ADAMTSL2: variants seen among roughly 807,000 people sequenced by gnomAD.
ADAMTSL2 encodes ADAMTS like 2.
Under a neutral mutation model 117.0 loss-of-function variants are expected in ADAMTSL2, and 55 were observed. The ratio of observed to expected loss-of-function variants is 0.47; its 90% CI spans 0.38 to 0.59. ADAMTSL2 has a LOEUF of 0.59. Ranked by LOEUF, ADAMTSL2 falls within the 20% of genes least tolerant of loss-of-function variation. The pLI is 0.00. For synonymous variants in ADAMTSL2, 572 were observed against 566.4 expected (o/e 1.01, Z -0.14); for missense variants, 1,182 against 1,354.5 (o/e 0.87, Z 2.00).
Position 133,534,759 on chromosome 9 carries a change from G to T in ADAMTSL2, c.-309G>T. ...CTCTTGGATGCTCTTTGAAGTGGGA[G>T]AGGGAGGCGGCGCGGGGGAGGAGGG... On this transcript the variant is annotated 5_prime_UTR_variant, in exon 1 of 19. An upstream open reading frame in the 5' UTR gains an earlier in-frame stop. Transcript: ENST00000651351. 1 of 1,459,130 alleles carries T rather than the reference G, an allele frequency of 6.9e-7. No homozygotes were observed. Among genetic ancestry groups the T allele is most frequent in the South Asian group, 1.4e-5 (1 of 72,806 alleles). 90.4% of individuals were successfully genotyped at this position (1,459,130 alleles called of 1,614,324 possible).
At chr9:133,537,935 G>A (rs1216831085) in intron 3 of ADAMTSL2, among the ~76,000 whole-genome samples, 1 of 152,222 alleles carries the variant, frequency 6.6e-6, no homozygotes, top group Non-Finnish European at 1.5e-5. Context: ...AGATGGACCT[G>A]GCTCCTATCT....
chr9:133,572,978 C>T (rs1330701532), intron 17 of ADAMTSL2, among the ~76,000 whole-genome samples: 1 of 152,242 alleles, frequency 6.6e-6, no homozygotes, highest in Non-Finnish European at 1.5e-5. Context: ...GCCAAGCCAG[C>T]CTCTCCTCGC....
intron 11 of ADAMTSL2, among the ~76,000 whole-genome samples, chr9:133,556,872 C>T (rs367568041): frequency 1.3e-5 from 2 of 152,194 alleles, no homozygotes; most frequent in African/African-American, 4.8e-5. Context: ...GCCCCGCCTG[C>T]CCCCAGATAG....
intron 13 of ADAMTSL2, 33 bp from the exon 14 acceptor site, chr9:133,568,240 G>A: frequency 6.5e-7 from 1 of 1,543,996 alleles, no homozygotes; most frequent in Non-Finnish European, 8.7e-7. Context: ...TGCCATGGGG[G>A]GGATCATTGA....
Position 133,540,987 on chromosome 9 carries a change from G to C in ADAMTSL2, c.668G>C (p.Gly223Ala), listed in dbSNP as rs1830209343. 6.2e-7 allele frequency: 1 copy of C among 1,613,264 alleles called. No homozygotes were observed. Among genetic ancestry groups the C allele is most frequent in the South Asian group, 1.1e-5 (1 of 91,078 alleles). Residue 223 changes from glycine to alanine, a missense_variant, in exon 7 of 19, where the codon GGG becomes GCG. Physicochemically the swap from Gly to Ala is moderately conservative, Grantham distance 60. Coordinates refer to ENST00000651351, the MANE Select transcript of ADAMTSL2 (RefSeq NM_014694.4). ...CTHVTGNYRK[G>A]NAHLGYSLVT... ...CACGTGACGGGCAACTATCGCAAGG[G>C]GAATGCCCACCTTGGTAAGCCACAG...
intron 9 of ADAMTSL2, among the ~76,000 whole-genome samples, chr9:133,552,164 A>G (rs1247556413): frequency 6.6e-6 from 1 of 152,188 alleles, no homozygotes; most frequent in East Asian, 1.9e-4. Flanking sequence ...AGATGAGTTG[A>G]ACAGATATTC....
intron 7 of ADAMTSL2, among the ~76,000 whole-genome samples, chr9:133,543,230 T>C (rs1286050201): frequency 1.3e-5 from 2 of 152,208 alleles, no homozygotes; most frequent in Non-Finnish European, 1.5e-5. Flanking sequence ...ATAACTATTT[T>C]ATCTGTGTGG....
intron 12 of ADAMTSL2, among the ~76,000 whole-genome samples, chr9:133,566,036 A>C (rs1417225989): frequency 2.0e-5 from 3 of 152,162 alleles, no homozygotes; most frequent in Non-Finnish European, 4.4e-5. Context: ...CAGAAGGTGG[A>C]GATGTGGTCA....
chr9:133,557,224 G>T lies in ADAMTSL2; in HGVS notation c.1649+1294G>T, dbSNP rs1830622163. 6.6e-6 allele frequency among the ~76,000 whole-genome samples: 1 copy of T among 152,194 alleles called. No individual in the cohort carries two copies. Among genetic ancestry groups the T allele is most frequent in the African/African-American group, 2.4e-5 (1 of 41,452 alleles). ...AAAGCCAACCTCCCTGGTGAGCCAG[G>T]AGCCCCAGGGGATGCCTGCCGCTTT... On this transcript the variant is annotated intron_variant, in intron 11 of 18. Coordinates refer to ENST00000651351, the MANE Select transcript of ADAMTSL2 (RefSeq NM_014694.4). The surrounding 1 kb of genome is among the most constrained non-coding windows in gnomAD (Gnocchi z 5.2).
intron 7 of ADAMTSL2, among the ~76,000 whole-genome samples, chr9:133,543,898 C>T (rs1277644601): frequency 1.3e-5 from 2 of 152,202 alleles, no homozygotes; most frequent in Non-Finnish European, 2.9e-5. Context: ...GGCCTGGGGG[C>T]CTTGAAGACA....
chr9:133,560,447 C>G (rs1367199050), intron 11 of ADAMTSL2, among the ~76,000 whole-genome samples: 1 of 152,236 alleles, frequency 6.6e-6, no homozygotes, highest in Non-Finnish European at 1.5e-5. Context: ...CCTCCCCTGC[C>G]GAGTCCAGAA....
intron 12 of ADAMTSL2, among the ~76,000 whole-genome samples, chr9:133,566,569 C>T (rs1396508598): frequency 6.6e-6 from 1 of 152,200 alleles, no homozygotes; most frequent in Non-Finnish European, 1.5e-5. Context: ...GTCACTCCCG[C>T]CTGCCTGTCC....
chr9:133,532,194 T>TC (rs1491335767), upstream of ADAMTSL2: 2 of 152,122 alleles, frequency 1.3e-5, no homozygotes, highest in African/African-American at 2.4e-5. Context: ...TTCTTTTTTT[T>TC]CTCTCTCTTT....
At chr9:133,539,612 G>T (rs1481827338) in intron 4 of ADAMTSL2, among the ~76,000 whole-genome samples, 159 bp from the exon 5 acceptor site, 2 of 71,004 alleles carry the variant, frequency 2.8e-5, no homozygotes, top group African/African-American at 9.6e-5. Context: ...ATGGGAGCGC[G>T]CAGGAGCCCT....
At chr9:133,538,997 G>A (rs753588617) in intron 4 of ADAMTSL2, among the ~76,000 whole-genome samples, 4 of 152,202 alleles carry the variant, frequency 2.6e-5, no homozygotes. Context: ...GGGGCACGCC[G>A]AGCTGGGATC....
In ADAMTSL2 at chr9:133,549,148, T is replaced by C. The variant is rs1296607804; in HGVS notation, c.939+1935T>C. Among the ~76,000 whole-genome samples, 2 of 36,362 alleles carry C rather than the reference T, an allele frequency of 5.5e-5. 1 individual carries two copies. Among genetic ancestry groups the C allele is most frequent in the African/African-American group, 1.6e-4 (2 of 12,694 alleles). The allele number at this position is 36,362 out of a possible 152,430, so 23.9% of individuals were successfully genotyped here. A position where few individuals can be genotyped will look rare whatever the true frequency, so the allele number is the denominator to read the frequency against. ...TCCCAAGTAGCTGGGACTACAGGCG[T>C]CCGCCACTACGCCCGGCTAATTTTT... On this transcript the variant is annotated intron_variant, in intron 9 of 18. Transcript: ENST00000651351.
At position 133,566,979 on chromosome 9, in the gene ADAMTSL2, C is replaced by A. The variant is rs1394481441; in HGVS notation, c.1791C>A (p.Val597=). The A allele has an allele frequency of 7.4e-6, 12 of 1,611,096 alleles. No homozygotes were observed. The highest frequency in any genetic ancestry group is 1.3e-5 in the African/African-American group (1 of 75,000). ...CCATGTGTGTCCGCTATGATGGCGT[C>A]GAGGTGGATGACAGCTACTGTGACG... ...AYAMCVRYDG[V]EVDDSYCDAL... The change falls in exon 13 of 19, where the codon GTC becomes GTA. Residue 597 remains valine, a synonymous_variant. Coordinates refer to ENST00000651351, the MANE Select transcript of ADAMTSL2 (RefSeq NM_014694.4).
rs755388728 is a variant in ADAMTSL2, at chr9:133,536,541, G to A, written c.-150-22G>A. ...TTCTTGCTAAGCCTAGACTGAGGCGGGGGGTTCATCCTTCCCAACAGGGTC... is the reference window on the plus strand; with the variant it reads ...TTCTTGCTAAGCCTAGACTGAGGCGAGGGGTTCATCCTTCCCAACAGGGTC... On this transcript the variant is annotated intron_variant, in intron 1 of 18. Coordinates refer to ENST00000651351, the MANE Select transcript of ADAMTSL2 (RefSeq NM_014694.4). 1.9e-6 allele frequency: 3 copies of A among 1,542,170 alleles called. No homozygotes were observed. In the African/African-American group the frequency reaches 4.1e-5, roughly 21 times the overall value.
intron 17 of ADAMTSL2, among the ~76,000 whole-genome samples, 171 bp downstream of exon 17, chr9:133,570,678 C>T (rs1228482313): frequency 1.3e-5 from 2 of 152,210 alleles, no homozygotes; most frequent in Non-Finnish European, 2.9e-5. Flanking sequence ...TCAGCTGGTG[C>T]GAGAGCCAGC....
Sources: gnomAD v4.1 joint callset for allele counts (sites outside exome capture counted in the v4.1 genomes callset) on GRCh38, gnomAD v4.1.1 for gene constraint, Gnocchi (gnomAD v3.1) non-coding constraint, MANE v1.5 for transcripts, NCBI Gene and HGNC (gene_info 2026-07-23, HGNC 2026-07-21) for gene names.